Variants in FSCN3 observed in about 807,000 individuals in gnomAD.
The protein encoded by FSCN3 is fascin-3.
A neutral mutation model predicts 53.5 loss-of-function variants in FSCN3; 43 were observed. The ratio of observed to expected loss-of-function variants is 0.80; its 90% confidence interval spans 0.63 to 1.04. The LOEUF is 1.04. Among genes scored for constraint, FSCN3 ranks in the 50% least tolerant of loss-of-function variants. The pLI is 0.00. For synonymous variants in FSCN3, 235 were observed against 246.6 expected (o/e 0.95, Z 0.44); for missense variants, 594 against 646.5 (o/e 0.92, Z 0.88).
chr7:127,600,162 T>C lies in FSCN3; in HGVS notation c.1292-32T>C, dbSNP rs56827675. 8 of 1,246,152 alleles carry C rather than the reference T, an allele frequency of 6.4e-6. No individual in the cohort carries two copies. The East Asian group carries it at 1.6e-4, about 25-fold the overall frequency. The allele number at this position is 1,246,152 out of a possible 1,614,324, so 77.2% of individuals were successfully genotyped here. A position where few individuals can be genotyped will look rare whatever the true frequency, so the allele number is the denominator to read the frequency against. On this transcript the variant is annotated intron_variant, in intron 5 of 6. Transcript: ENST00000265825. ...GATCGCTGGAGGACTCCCCTGTGAA[T>C]GGCCCACCAACCTGAGCTCTTCCTT...
rs1027168383 is a variant in FSCN3 at position 127,601,865 on chromosome 7, G to T, written c.*243G>T. On this transcript the variant is annotated 3_prime_UTR_variant, in exon 7 of 7. Transcript: ENST00000265825. ...ATGAGGGTTGAAACAGACACCCCAGGCTGCTCTAAGTTCTATACAGGAGAG... is the reference window on the plus strand; with the variant it reads ...ATGAGGGTTGAAACAGACACCCCAGTCTGCTCTAAGTTCTATACAGGAGAG... The T allele has an allele frequency of 6.6e-6, 1 of 152,068 alleles. No individual in the cohort carries two copies. The highest frequency in any genetic ancestry group is 1.5e-5 in the Non-Finnish European group (1 of 68,026). The allele number at this position is 152,068 out of a possible 1,614,324, so 9.4% of individuals were successfully genotyped here.
Position 127,596,400 on chromosome 7 carries a change from GC to G in FSCN3, c.918del (p.Thr307LeufsTer20). ...SLFQFECDSE[S>X]PTVQLRSANG... ...TTCCAGTTTGAATGTGACAGTGAGA[GC>G]CCCACTGTGCAGCTTCGTTCAGCCA... On this transcript the variant is annotated frameshift_variant, in exon 3 of 7. Transcript: ENST00000265825. LOFTEE classifies it high-confidence loss of function. 6.2e-7 allele frequency: 1 copy of G among 1,608,134 alleles called. No homozygotes were observed. The highest frequency in any genetic ancestry group is 8.5e-7 in the Non-Finnish European group (1 of 1,174,564).
intron 5 of FSCN3, among the ~76,000 whole-genome samples, chr7:127,599,761 C>T (rs806218): frequency 0.74 from 112,473 of 151,584 alleles, 42,282 homozygotes; most frequent in Middle Eastern, 0.86. Flanking sequence ...CTGGCTAACA[C>T]GGTGAAACCC....
In FSCN3 at chr7:127,595,898, A is replaced by G; in HGVS notation, c.736A>G (p.Met246Val). ...ACAGGGCACGCATCTGCTCTTGGGC[A>G]TGGGCTGCAACCCCATGAGGGGTGA... ...YPQGTHLLLG[M>V]GCNPMRGEEW... The change falls in exon 2 of 7, where the codon ATG becomes GTG. Residue 246 changes from methionine (M) to valine (V), a missense_variant. Physicochemically the swap from Met to Val is conservative, Grantham distance 21. Coordinates refer to ENST00000265825, the MANE Select transcript of FSCN3 (RefSeq NM_020369.3). 3 of 1,613,290 alleles carry G rather than the reference A, an allele frequency of 1.9e-6. No individual in the cohort carries two copies. The highest frequency in any genetic ancestry group is 2.5e-6 in the Non-Finnish European group (3 of 1,179,568).
At position 127,593,862 on chromosome 7, in the gene FSCN3, GAC is replaced by G; in HGVS notation, c.11_12del (p.Thr4ArgfsTer10). The G allele has an allele frequency of 6.4e-7, 1 of 1,568,008 alleles. No homozygotes were observed. The highest frequency in any genetic ancestry group is 2.4e-5 in the East Asian group (1 of 42,356). MDE[T>X]EWIHRHPKAE... Reference sequence around the variant, plus strand: ...CCTGTGGTGTCAGCCCCATGGATGAGACAGAGTGGATACACAGACATCCCAAG... The same window carrying G: ...CCTGTGGTGTCAGCCCCATGGATGAGAGAGTGGATACACAGACATCCCAAG... On this transcript the variant is annotated frameshift_variant, in exon 1 of 7. Transcript: ENST00000265825. LOFTEE classifies it high-confidence loss of function.
At chr7:127,600,094 C>G in intron 5 of FSCN3, 100 bp from the exon 6 acceptor site, 1 of 708,218 alleles carries the variant, frequency 1.4e-6, no homozygotes, top group East Asian at 2.5e-5. Context: ...GATGGGGCAG[C>G]TAGGGGAGGG....
intron 1 of FSCN3, chr7:127,594,805 T>G (rs1794359247): frequency 2.1e-6 from 1 of 471,492 alleles, no homozygotes; most frequent in Non-Finnish European, 4.4e-6. Context: ...ACCAGGCAGT[T>G]GCATCTGAAC....
rs139357091 is a variant in FSCN3 at position 127,594,044 on chromosome 7, C to CTGTG, written c.144+60_144+63dup. 2.5e-3 allele frequency: 3,786 copies of CTGTG among 1,539,706 alleles called. 42 individuals carry two copies. The East Asian group carries it at 0.037, about 15-fold the overall frequency. ...GGCACCAGTTTTCTGAGTGGCCAAGCTGTGTGTGTGTGTGTGCGCGCGCGC... is the reference window on the plus strand; with the variant it reads ...GGCACCAGTTTTCTGAGTGGCCAAGCTGTGTGTGTGTGTGTGTGTGCGCGCGCGC... On this transcript the variant is annotated intron_variant, in intron 1 of 6. Coordinates refer to ENST00000265825, the MANE Select transcript of FSCN3 (RefSeq NM_020369.3).
rs182430717 is a variant in FSCN3 at position 127,595,419 on chromosome 7, G to A, written c.257G>A (p.Arg86His). ...TGTGATGGCACCGTGTGTTATGGCC[G>A]CCCAAGGACCAGCCACCATGGGTGC... ...CECDGTVCYG[R>H]PRTSHHGCFL... is the part of the protein sequence containing the mutation. The change falls in exon 2 of 7, where the codon CGC becomes CAC. Residue 86 changes from arginine to histidine, a missense_variant. Transcript: ENST00000265825. 66 of 1,614,104 alleles carry A rather than the reference G, an allele frequency of 4.1e-5. No homozygotes were observed. The highest frequency in any genetic ancestry group is 5.3e-5 in the Non-Finnish European group (62 of 1,180,004).
At position 127,600,257 on chromosome 7, in the gene FSCN3, C is replaced by T; in HGVS notation, c.1355C>T (p.Ala452Val). The change falls in exon 6 of 7, where the codon GCC (alanine) becomes GTC (valine). Residue 452 changes from alanine to valine, a missense_variant. Transcript: ENST00000265825. ...FGTFRPWGKF[A>V]LNFCIELQGS... ...ACCTTTCGCCCTTGGGGCAAGTTTG[C>T]CCTCAACTTCTGTATCGAGCTTCAG... is the stretch of plus-strand genomic sequence containing the variant. 1 of 1,609,864 alleles carries T rather than the reference C, an allele frequency of 6.2e-7. No individual in the cohort carries two copies. The highest frequency in any genetic ancestry group is 1.3e-5 in the African/African-American group (1 of 74,990).
chr7:127,594,024 C>T, intron 1 of FSCN3, 27 bp downstream of exon 1: 1 of 1,610,692 alleles, frequency 6.2e-7, no homozygotes, highest in Non-Finnish European at 8.5e-7. Flanking sequence ...ATGCTGGCAC[C>T]AGTTTTCTGA....
chr7:127,596,303 T>G, intron 2 of FSCN3, 25 bp from the exon 3 acceptor site: 1 of 1,569,534 alleles, frequency 6.4e-7, no homozygotes, highest in East Asian at 2.2e-5. Context: ...GGGGAGGCTT[T>G]TACTGACATG....
intron 3 of FSCN3, 139 bp downstream of exon 3, chr7:127,596,585 AC>A: frequency 2.1e-6 from 1 of 468,948 alleles, no homozygotes; most frequent in South Asian, 5.5e-5. Context: ...ATTCATTTTC[AC>A]CCAATGGGGG....
rs913418937 is a variant in FSCN3 at position 127,596,411 on chromosome 7, C to T, written c.925C>T (p.Gln309Ter). 2 of 1,597,892 alleles carry T rather than the reference C, an allele frequency of 1.3e-6. No individual in the cohort carries two copies. Among genetic ancestry groups the T allele is most frequent in the African/African-American group, 1.3e-5 (1 of 74,600 alleles). Residue 309 changes from glutamine (Q) to a stop codon, truncating the protein, a stop_gained, in exon 3 of 7, where the codon CAG (glutamine) becomes TAG (stop). Coordinates refer to ENST00000265825, the MANE Select transcript of FSCN3 (RefSeq NM_020369.3). LOFTEE classifies it high-confidence loss of function. Reference protein sequence around the residue: ...FECDSESPTVQLRSANGYYLS... With the variant: ...FECDSESPTV ...ATGTGACAGTGAGAGCCCCACTGTGCAGCTTCGTTCAGCCAATGGCTACTA... is the reference window on the plus strand; with the variant it reads ...ATGTGACAGTGAGAGCCCCACTGTGTAGCTTCGTTCAGCCAATGGCTACTA...
At chr7:127,594,248 CTGTGTGTG>C (rs368223947) in intron 1 of FSCN3, among the ~76,000 whole-genome samples, 1 of 98,938 alleles carries the variant, frequency 1.0e-5, no homozygotes, top group Non-Finnish European at 1.9e-5. Context: ...AGTGGCCAAG[CTGTGTGTG>C]TGTGTGTGTG....
intron 1 of FSCN3, chr7:127,594,352 G>A: frequency 2.4e-6 from 1 of 420,752 alleles, no homozygotes; most frequent in South Asian, 1.8e-5. Flanking sequence ...CCAGTGCCAG[G>A]CCTGAGACTT....
At chr7:127,598,993 C>T (rs1287640768) in intron 4 of FSCN3, among the ~76,000 whole-genome samples, 1 of 151,122 alleles carries the variant, frequency 6.6e-6, no homozygotes, top group African/African-American at 2.4e-5. Context: ...GAGTTGGGGT[C>T]GGAAGATTTG....
In FSCN3 at chr7:127,598,491, C is replaced by G; in HGVS notation, c.1017C>G (p.Phe339Leu). The part of the protein sequence containing the change: ...DGHPLESDTF[F>L]RMHWNCGRII... ...ACCCCCTGGAGTCTGACACGTTCTT[C>G]CGAATGCACTGGAACTGTGGCAGGA... The change falls in exon 4 of 7, where the codon TTC becomes TTG. Residue 339 changes from phenylalanine to leucine, a missense_variant. Transcript: ENST00000265825. 6.2e-7 allele frequency: 1 copy of G among 1,614,074 alleles called. No homozygotes were observed. The highest frequency in any genetic ancestry group is 8.5e-7 in the Non-Finnish European group (1 of 1,179,916).
At chr7:127,596,690 A>G (rs1794395359) in intron 3 of FSCN3, 2 of 253,936 alleles carry the variant, frequency 7.9e-6, no homozygotes, top group African/African-American at 2.2e-5. Flanking sequence ...AATTATGTAT[A>G]TTATTTACAA....
Sources: allele counts gnomAD v4.1 joint callset (sites outside exome capture counted in the v4.1 genomes callset), GRCh38; gene constraint gnomAD v4.1.1; transcripts MANE v1.5; gene names NCBI Gene and HGNC (gene_info 2026-07-23, HGNC 2026-07-21).